Variants in DUSP13A observed in about 807,000 individuals in gnomAD.
DUSP13A encodes the protein dual specificity protein phosphatase 13A.
At chr10:75,109,131 C>T in the DUSP13A span, 5 of 1,605,842 alleles carry the variant, frequency 3.1e-6, no homozygotes, top group East Asian at 6.8e-5. Flanking sequence ...CCTCTCCCCC[C>T]AGCTCTGGGA....
chr10:75,106,107 T>C, the DUSP13A span, among the ~76,000 whole-genome samples: 1,785 of 150,002 alleles, frequency 0.012, 17 homozygotes, highest in Non-Finnish European at 0.018. Context: ...TTTTCTTTTT[T>C]TTTTTTTTTT....
chr10:75,105,706 C>T, the DUSP13A span: 10 of 1,552,230 alleles, frequency 6.4e-6, no homozygotes, highest in Non-Finnish European at 7.8e-6. Flanking sequence ...CTGGTCCAGC[C>T]TGCAGAGCTG....
the DUSP13A span, chr10:75,107,887 A>AT: frequency 7.4e-7 from 1 of 1,349,480 alleles, no homozygotes; most frequent in East Asian, 2.5e-5. Context: ...TAAGCAGAGG[A>AT]TTTTTAAAAA....
chr10:75,108,233 T>C, the DUSP13A span: 3 of 1,573,736 alleles, frequency 1.9e-6, no homozygotes, highest in East Asian at 6.7e-5. Context: ...GAAGGGCACT[T>C]GATGCCGGCC....
chr10:75,108,251 G>A, the DUSP13A span: 1 of 1,548,540 alleles, frequency 6.5e-7, no homozygotes, highest in Admixed American at 1.9e-5. Flanking sequence ...GCCAAGCCAT[G>A]GGACCAGGAG....
chr10:75,109,115 C>T, the DUSP13A span: 1 of 1,611,086 alleles, frequency 6.2e-7, no homozygotes, highest in Non-Finnish European at 8.5e-7. Context: ...CAAGGCGTGG[C>T]TTTGTCCTCT....
At chr10:75,106,800 G>A in the DUSP13A span, among the ~76,000 whole-genome samples, 49 of 152,346 alleles carry the variant, frequency 3.2e-4, no homozygotes, top group African/African-American at 1.1e-3. Flanking sequence ...GTGAATGAAT[G>A]GATAAATAGC....
chr10:75,107,063 C>T, the DUSP13A span, among the ~76,000 whole-genome samples: 16 of 152,198 alleles, frequency 1.1e-4, no homozygotes, highest in African/African-American at 3.1e-4. Flanking sequence ...GGGCCGGGTG[C>T]GGTGGCTCAT....
the DUSP13A span, among the ~76,000 whole-genome samples, chr10:75,108,488 G>C: frequency 3.3e-5 from 5 of 152,146 alleles, no homozygotes; most frequent in Non-Finnish European, 7.4e-5. Flanking sequence ...GGAAGGGATT[G>C]CTTCAGCCCT....
chr10:75,107,872 C>T, the DUSP13A span: 32 of 1,226,996 alleles, frequency 2.6e-5, no homozygotes, highest in East Asian at 1.3e-4. Flanking sequence ...CCACCACACA[C>T]GGCCTAAGCA....
the DUSP13A span, chr10:75,108,978 C>T: frequency 1.7e-5 from 26 of 1,571,676 alleles, no homozygotes; most frequent in Middle Eastern, 3.4e-4. Context: ...CACGTCCCCA[C>T]CCCCATGCCC....
At chr10:75,105,994 C>T in the DUSP13A span, 1 of 849,896 alleles carries the variant, frequency 1.2e-6, no homozygotes, top group Non-Finnish European at 1.9e-6. Context: ...GCAAGTCACT[C>T]AGCCTTTATG....
At chr10:75,105,863 C>A in the DUSP13A span, 3 of 1,547,464 alleles carry the variant, frequency 1.9e-6, no homozygotes, top group Non-Finnish European at 1.7e-6. Context: ...TGCACCAGGA[C>A]CTTGGCTGAG....
the DUSP13A span, chr10:75,108,201 G>A: frequency 5.0e-6 from 8 of 1,603,378 alleles, no homozygotes; most frequent in African/African-American, 2.7e-5. Context: ...GCGGTTGTTT[G>A]CCGTGGCCCT....
chr10:75,108,891 TG>T, the DUSP13A span: 1 of 1,350,838 alleles, frequency 7.4e-7, no homozygotes, highest in Non-Finnish European at 9.8e-7. Flanking sequence ...GTCCCTGGCC[TG>T]GGATGGTCAG....
chr10:75,106,933 G>T, the DUSP13A span, among the ~76,000 whole-genome samples: 1 of 152,258 alleles, frequency 6.6e-6, no homozygotes, highest in East Asian at 1.9e-4. Flanking sequence ...GGGTCACACA[G>T]TGAGGGACAC....
At chr10:75,108,902 G>C in the DUSP13A span, 1 of 1,438,010 alleles carries the variant, frequency 7.0e-7, no homozygotes, top group East Asian at 2.6e-5. Flanking sequence ...GGGATGGTCA[G>C]AGCAGAGCTA....
the DUSP13A span, chr10:75,108,200 T>C: frequency 6.2e-7 from 1 of 1,604,034 alleles, no homozygotes; most frequent in Non-Finnish European, 8.5e-7. Context: ...AGCGGTTGTT[T>C]GCCGTGGCCC....
At chr10:75,107,053 G>A in the DUSP13A span, among the ~76,000 whole-genome samples, 1 of 152,270 alleles carries the variant, frequency 6.6e-6, no homozygotes, top group African/African-American at 2.4e-5. Flanking sequence ...AGTACTTTGG[G>A]GGCCGGGTGC....
Sources: allele counts gnomAD v4.1 joint callset (sites outside exome capture counted in the v4.1 genomes callset), GRCh38; gene constraint gnomAD v4.1.1; transcripts MANE v1.5; gene names NCBI Gene and HGNC (gene_info 2026-07-23, HGNC 2026-07-21).